The following GPHN variants were observed in gnomAD, a reference collection of about 807,000 sequenced individuals.
GPHN encodes gephyrin.
Under a neutral mutation model 95.5 loss-of-function variants are expected in GPHN, and 17 were observed. The ratio of observed to expected loss-of-function variants is 0.18; its 90% confidence interval spans 0.12 to 0.27. The LOEUF is 0.27. Ranked by LOEUF, GPHN falls within the 10% of genes least tolerant of loss-of-function variation. The pLI is 1.00. For synonymous variants in GPHN, 320 were observed against 322.5 expected, an observed-to-expected ratio of 0.99 and a Z score of 0.08; for missense variants, 660 against 978.1, an observed-to-expected ratio of 0.67 and a Z score of 4.34.
intron 12 of GPHN, among the ~76,000 whole-genome samples, chr14:67,092,752 C>T (rs752529858): frequency 1.3e-5 from 2 of 151,958 alleles, no homozygotes; most frequent in Non-Finnish European, 2.9e-5. Context: ...ACCTGTAAAC[C>T]TAAAACTGCA....
intron 2 of GPHN, among the ~76,000 whole-genome samples, chr14:66,773,993 G>GTTTTT (rs1172451199): frequency 8.9e-5 from 8 of 89,976 alleles, no homozygotes; most frequent in Admixed American, 1.4e-4. Context: ...TATCTAGAAA[G>GTTTTT]TTTTTTTTTT....
the GPHN span, chr14:67,359,591 G>A: frequency 1.3e-6 from 2 of 1,569,214 alleles, no homozygotes; most frequent in Non-Finnish European, 1.8e-6. Context: ...TGTGGCCCAG[G>A]GTCTGAAGGG....
At chr14:67,709,911 C>T in the GPHN span, among the ~76,000 whole-genome samples, 1 of 152,180 alleles carries the variant, frequency 6.6e-6, no homozygotes, top group Non-Finnish European at 1.5e-5. Context: ...GCAAACCTGC[C>T]TTCCATTCTA....
At chr14:67,652,668 T>C in the GPHN span, 1 of 152,206 alleles carries the variant, frequency 6.6e-6, no homozygotes, top group Non-Finnish European at 1.5e-5. Flanking sequence ...GTTTTATTTT[T>C]AAAAGTCTAC....
chr14:67,376,144 A>G, the GPHN span, among the ~76,000 whole-genome samples: 1 of 139,904 alleles, frequency 7.1e-6, no homozygotes, highest in Non-Finnish European at 1.5e-5. Flanking sequence ...TGGTTTCTAT[A>G]TATTTGATCT....
At chr14:66,543,174 A>G (rs528264331) in intron 1 of GPHN, among the ~76,000 whole-genome samples, 76 of 152,114 alleles carry the variant, frequency 5.0e-4, no homozygotes, top group Admixed American at 1.0e-3. Context: ...ATCACCCCCT[A>G]CCAGGCCCCA....
chr14:67,306,580 G>A, the GPHN span, among the ~76,000 whole-genome samples: 4 of 151,426 alleles, frequency 2.6e-5, no homozygotes, highest in South Asian at 8.4e-4. Flanking sequence ...TGTTGGCCAG[G>A]CTGGTCTTGA....
At chr14:67,287,755 A>C in the GPHN span, among the ~76,000 whole-genome samples, 8 of 152,274 alleles carry the variant, frequency 5.3e-5, no homozygotes, top group Non-Finnish European at 1.5e-5. Context: ...AGTGTCATCT[A>C]TACGGTTAGA....
At chr14:66,596,949 C>T (rs1032598834) in intron 1 of GPHN, among the ~76,000 whole-genome samples, 4 of 152,206 alleles carry the variant, frequency 2.6e-5, no homozygotes, top group African/African-American at 9.6e-5. Flanking sequence ...GACACCATTC[C>T]AGACAGGCTG....
chr14:66,978,544 A>G (rs1017996106), intron 9 of GPHN, among the ~76,000 whole-genome samples: 10 of 152,190 alleles, frequency 6.6e-5, no homozygotes, highest in African/African-American at 2.4e-4. Context: ...AAGTTTTATC[A>G]TGAGTATCAC....
the GPHN span, among the ~76,000 whole-genome samples, chr14:67,490,637 G>A: frequency 1.3e-5 from 2 of 152,132 alleles, no homozygotes; most frequent in African/African-American, 4.8e-5. Context: ...GGTAAGCTGG[G>A]CTTGCAGGAT....
At chr14:67,117,578 A>G (rs17103998) in intron 16 of GPHN, among the ~76,000 whole-genome samples, 7,827 of 152,282 alleles carry the variant, frequency 0.051, 219 homozygotes, top group Middle Eastern at 0.068. Context: ...CTAACAAGCT[A>G]GAATGGGTAG....
intron 3 of GPHN, among the ~76,000 whole-genome samples, chr14:66,807,194 C>T (rs371066282): frequency 6.6e-6 from 1 of 152,136 alleles, no homozygotes; most frequent in East Asian, 1.9e-4. Flanking sequence ...TCTCGTGAGA[C>T]TTATTCACTA....
chr14:67,054,850 ATTTGCTAT>A (rs555660305), intron 10 of GPHN, among the ~76,000 whole-genome samples: 2,439 of 152,326 alleles, frequency 0.016, 24 homozygotes, highest in Non-Finnish European at 0.024. Flanking sequence ...TGGGGAAAGG[ATTTGCTAT>A]TTAATAAATG....
At chr14:67,688,378 A>T in the GPHN span, among the ~76,000 whole-genome samples, 1 of 152,202 alleles carries the variant, frequency 6.6e-6, no homozygotes, top group African/African-American at 2.4e-5. Context: ...TTAAGGGGTA[A>T]ATCCATATGT....
chr14:67,192,712 TA>T, the GPHN span, among the ~76,000 whole-genome samples: 24 of 149,280 alleles, frequency 1.6e-4, no homozygotes, highest in East Asian at 3.9e-4. Context: ...GCTGCTGTTT[TA>T]AAAAAAAAAT....
At chr14:66,976,393 A>G (rs757021913) in intron 9 of GPHN, among the ~76,000 whole-genome samples, 19 of 152,224 alleles carry the variant, frequency 1.2e-4, no homozygotes, top group Admixed American at 3.9e-4. Flanking sequence ...CCCAACAAAT[A>G]TAAGTGGTCC....
the GPHN span, chr14:67,690,582 G>T: frequency 1.6e-6 from 1 of 630,730 alleles, no homozygotes. Flanking sequence ...GAAGGTTTAG[G>T]GAAATAACAA....
At chr14:67,657,598 GCA>G in the GPHN span, among the ~76,000 whole-genome samples, 14,704 of 112,112 alleles carry the variant, frequency 0.13, 797 homozygotes, top group Middle Eastern at 0.22. Flanking sequence ...GCGCGCGCGT[GCA>G]CACACACACA....
Sources: allele counts gnomAD v4.1 joint callset (sites outside exome capture counted in the v4.1 genomes callset), GRCh38; gene constraint gnomAD v4.1.1; transcripts MANE v1.5; gene names NCBI Gene and HGNC (gene_info 2026-07-23, HGNC 2026-07-21).